The following LHFPL4 variants were observed in gnomAD, a reference collection of about 807,000 sequenced individuals.
LHFPL4 encodes the protein LHFPL tetraspan subfamily member 4 protein.
A neutral mutation model predicts 20.0 loss-of-function variants in LHFPL4; 6 were observed. The observed-to-expected ratio is 0.30, with a 90% CI of 0.16 to 0.59. The LOEUF (loss-of-function observed/expected upper bound fraction) is 0.59, where lower values mean the gene tolerates loss of function less well. Among genes scored for constraint, LHFPL4 ranks in the 20% least tolerant of loss-of-function variants. LHFPL4 has a pLI of 0.88. For missense variants in LHFPL4, 215 were observed against 331.2 expected, an observed-to-expected ratio of 0.65 and a Z score of 2.72; for synonymous variants, 129 against 143.8, an observed-to-expected ratio of 0.90 and a Z score of 0.74.
intron 2 of LHFPL4, among the ~76,000 whole-genome samples, chr3:9,543,416 G>A (rs779140889): frequency 7.3e-5 from 11 of 151,682 alleles, no homozygotes; most frequent in East Asian, 1.9e-4. Flanking sequence ...AAGGAGAATC[G>A]CAGAACCCAG....
intron 2 of LHFPL4, among the ~76,000 whole-genome samples, chr3:9,519,570 CT>C (rs1268556531): frequency 2.6e-5 from 4 of 152,064 alleles, no homozygotes; most frequent in African/African-American, 7.3e-5. Context: ...TTCTTTCTCT[CT>C]TTTTTTGAGA....
At chr3:9,527,074 G>A (rs1030003587) in intron 2 of LHFPL4, among the ~76,000 whole-genome samples, 2 of 152,100 alleles carry the variant, frequency 1.3e-5, no homozygotes, top group Non-Finnish European at 2.9e-5. Context: ...AAAGAAGTAA[G>A]CAGGGGTACA....
intron 2 of LHFPL4, among the ~76,000 whole-genome samples, chr3:9,516,614 C>G (rs548013697): frequency 1.3e-5 from 2 of 151,822 alleles, no homozygotes; most frequent in African/African-American, 4.8e-5. Flanking sequence ...GCTGAGACTA[C>G]AGGCACACAC....
intron 2 of LHFPL4, among the ~76,000 whole-genome samples, chr3:9,536,990 A>T (rs1169331502): frequency 6.6e-6 from 1 of 151,596 alleles, no homozygotes; most frequent in Non-Finnish European, 1.5e-5. Flanking sequence ...GGAGGCTGAG[A>T]TGGGAGGATC....
intron 3 of LHFPL4, among the ~76,000 whole-genome samples, chr3:9,504,824 C>A (rs1278006879): frequency 3.0e-4 from 44 of 145,022 alleles, no homozygotes; most frequent in South Asian, 4.3e-4. Flanking sequence ...GACTCCATCT[C>A]AAAAAAAAAA....
At chr3:9,527,699 G>A (rs996117595) in intron 2 of LHFPL4, among the ~76,000 whole-genome samples, 10 of 152,050 alleles carry the variant, frequency 6.6e-5, no homozygotes, top group Non-Finnish European at 8.8e-5. Context: ...AGAGCCAGAT[G>A]TTGTCTGAAA....
chr3:9,508,377 T>C (rs1431066004), intron 2 of LHFPL4, among the ~76,000 whole-genome samples: 1 of 152,068 alleles, frequency 6.6e-6, no homozygotes, highest in Non-Finnish European at 1.5e-5. Flanking sequence ...AAGTCAATTA[T>C]CCACTCCAGT....
intron 2 of LHFPL4, among the ~76,000 whole-genome samples, chr3:9,550,030 C>G (rs1483749121): frequency 6.6e-6 from 1 of 152,106 alleles, no homozygotes; most frequent in Non-Finnish European, 1.5e-5. Context: ...CCATGCCTGG[C>G]CAAGAGATAC....
At chr3:9,530,165 C>A (rs1204818449) in intron 2 of LHFPL4, among the ~76,000 whole-genome samples, 3 of 152,118 alleles carry the variant, frequency 2.0e-5, no homozygotes, top group African/African-American at 7.2e-5. Flanking sequence ...GTCAGCCTGT[C>A]CTTCGAAGCT....
intron 3 of LHFPL4, 139 bp downstream of exon 3, chr3:9,505,828 G>A: frequency 1.2e-6 from 1 of 800,690 alleles, no homozygotes; most frequent in East Asian, 2.5e-5. Flanking sequence ...CAAAGTGCTG[G>A]GATTATAGGC....
At chr3:9,511,687 A>G (rs1172151131) in intron 2 of LHFPL4, among the ~76,000 whole-genome samples, 1 of 152,200 alleles carries the variant, frequency 6.6e-6, no homozygotes, top group African/African-American at 2.4e-5. Flanking sequence ...TTGCCTGCCT[A>G]GTGCTCTGAG....
intron 2 of LHFPL4, among the ~76,000 whole-genome samples, chr3:9,523,872 C>G (rs1048345061): frequency 1.3e-5 from 2 of 152,110 alleles, no homozygotes; most frequent in Admixed American, 1.3e-4. Context: ...TCTTGCAAAG[C>G]AGGTCTACTG....
rs1204303015 is a variant in LHFPL4, at chr3:9,506,603, C to T, written c.407-400G>A. On this transcript the variant is annotated intron_variant, in intron 2 of 3. Coordinates refer to ENST00000287585, the MANE Select transcript of LHFPL4 (RefSeq NM_198560.3). This position sits in a 1 kb window ranked among gnomAD's most constrained non-coding sequence, Gnocchi z 4.5. ...TTGTTGTCGTTGTTGTTGTTTGAGACGGAGTCTCGCTCTGTTGCCCAGGGT... is the reference window on the plus strand; with the variant it reads ...TTGTTGTCGTTGTTGTTGTTTGAGATGGAGTCTCGCTCTGTTGCCCAGGGT... Among the ~76,000 whole-genome samples, 1 of 152,130 alleles carries T rather than the reference C, an allele frequency of 6.6e-6. No individual in the cohort carries two copies. Among genetic ancestry groups the T allele is most frequent in the Admixed American group, 6.5e-5 (1 of 15,284 alleles).
intron 2 of LHFPL4, among the ~76,000 whole-genome samples, chr3:9,512,233 A>C (rs557529095): frequency 2.6e-4 from 39 of 152,254 alleles, no homozygotes; most frequent in African/African-American, 9.1e-4. Flanking sequence ...GCCGGCCTAC[A>C]TGGCAATTTT....
chr3:9,531,066 T>G (rs952743664), intron 2 of LHFPL4, among the ~76,000 whole-genome samples: 5 of 152,160 alleles, frequency 3.3e-5, no homozygotes, highest in African/African-American at 1.2e-4. Flanking sequence ...CCAGCAGGTG[T>G]AGCAATCAAA....
At chr3:9,523,389 A>G (rs2046352838) in intron 2 of LHFPL4, among the ~76,000 whole-genome samples, 1 of 71,146 alleles carries the variant, frequency 1.4e-5, no homozygotes, top group Non-Finnish European at 3.7e-5. Context: ...TCAAAAAAAG[A>G]AAAAGAAAAA....
At chr3:9,552,139 G>T (rs1559525617) in intron 2 of LHFPL4, 135 bp downstream of exon 2, 1 of 1,161,554 alleles carries the variant, frequency 8.6e-7, no homozygotes. Context: ...CCCACTGAGG[G>T]TCCGTCAGCC....
At chr3:9,527,525 G>C (rs1305426769) in intron 2 of LHFPL4, among the ~76,000 whole-genome samples, 3 of 152,044 alleles carry the variant, frequency 2.0e-5, no homozygotes, top group Non-Finnish European at 4.4e-5. Flanking sequence ...AAATCAGCCT[G>C]GGCAACATGG....
intron 2 of LHFPL4, among the ~76,000 whole-genome samples, chr3:9,548,092 C>T (rs1157880208): frequency 6.6e-6 from 1 of 152,288 alleles, no homozygotes; most frequent in East Asian, 1.9e-4. Context: ...AGGCATGAGC[C>T]ACCGAGCCTG....
Sources: allele counts gnomAD v4.1 joint callset (sites outside exome capture counted in the v4.1 genomes callset), GRCh38; gene constraint gnomAD v4.1.1; non-coding constraint Gnocchi (gnomAD v3.1); transcripts MANE v1.5; gene names NCBI Gene and HGNC (gene_info 2026-07-23, HGNC 2026-07-21).